Variants in ZNF274 observed in about 807,000 individuals in gnomAD.
ZNF274 encodes zinc finger protein 274, also known as neurotrophin receptor-interacting factor homolog.
In ZNF274, 23 loss-of-function variants were observed where a neutral mutation model predicts 42.5. The ratio of observed to expected loss-of-function variants is 0.54; its 90% CI spans 0.39 to 0.77. The LOEUF (loss-of-function observed/expected upper bound fraction) is 0.77, where lower values mean the gene tolerates loss of function less well. Ranked by LOEUF, ZNF274 falls within the 30% of genes least tolerant of loss-of-function variation. The pLI is 0.00. For synonymous variants in ZNF274, 292 were observed against 305.4 expected (o/e 0.96, Z 0.46); for missense variants, 679 against 806.5 (o/e 0.84, Z 1.91).
intron 4 of ZNF274, among the ~76,000 whole-genome samples, chr19:58,198,132 A>G (rs1490732152): frequency 6.6e-6 from 1 of 152,228 alleles, no homozygotes; most frequent in African/African-American, 2.4e-5. Context: ...AAAAAGAAGA[A>G]TAAATGAGTC....
chr19:58,192,517 C>T (rs1015865995), intron 4 of ZNF274, among the ~76,000 whole-genome samples: 5 of 152,128 alleles, frequency 3.3e-5, no homozygotes, highest in Non-Finnish European at 5.9e-5. Context: ...TACGTAAAGT[C>T]GGACCTCCTG....
chr19:58,202,053 TGA>T (rs1173341548), intron 4 of ZNF274, among the ~76,000 whole-genome samples: 1 of 152,028 alleles, frequency 6.6e-6, no homozygotes, highest in Non-Finnish European at 1.5e-5. Flanking sequence ...GAGGGAATGA[TGA>T]GAGAGAACAG....
chr19:58,212,055 G>GAA lies in ZNF274; in HGVS notation c.980-97_980-96dup. The GAA allele has an allele frequency of 3.1e-6, 4 of 1,309,162 alleles. No homozygotes were observed. Among genetic ancestry groups the GAA allele is most frequent in the Admixed American group, 2.4e-5 (1 of 41,022 alleles). 81.1% of individuals were successfully genotyped at this position (1,309,162 alleles called of 1,614,324 possible). On this transcript the variant is annotated intron_variant, in intron 7 of 7. Transcript: ENST00000617501. This position sits in a 1 kb window ranked among gnomAD's most constrained non-coding sequence, Gnocchi z 4.6. ...CCAGGTTGCATGACTCTATTTGGGA[G>GAA]AAAAAAAAAATCCTGACTTTTGAAC...
Position 58,207,146 on chromosome 19 carries a change from A to G in ZNF274, c.683A>G (p.Asn228Ser). Residue 228 changes from asparagine to serine, a missense_variant, in exon 5 of 8, where the codon AAC becomes AGC. Coordinates refer to ENST00000617501, the MANE Select transcript of ZNF274 (RefSeq NM_133502.3). This position sits in a 1 kb window ranked among gnomAD's most constrained non-coding sequence, Gnocchi z 5.6. ...TGGGTGGAATCGCAGCACCCAGAGAACTGCCAAGAGGTGGTGGCCCTGGTA... is the reference window on the plus strand; with the variant it reads ...TGGGTGGAATCGCAGCACCCAGAGAGCTGCCAAGAGGTGGTGGCCCTGGTA... ...RTWVESQHPE[N>S]CQEVVALVEG... 1 of 1,613,398 alleles carries G rather than the reference A, an allele frequency of 6.2e-7. No individual in the cohort carries two copies. Among genetic ancestry groups the G allele is most frequent in the Non-Finnish European group, 8.5e-7 (1 of 1,179,718 alleles).
intron 4 of ZNF274, among the ~76,000 whole-genome samples, chr19:58,199,096 T>G (rs113734493): frequency 0.019 from 2,941 of 152,160 alleles, 91 homozygotes; most frequent in Admixed American, 0.069. Flanking sequence ...CTGGGCACGG[T>G]GGCTCAGTCC....
At chr19:58,205,920 G>C (rs2075974542) in intron 4 of ZNF274, among the ~76,000 whole-genome samples, 1 of 152,172 alleles carries the variant, frequency 6.6e-6, no homozygotes, top group Admixed American at 6.5e-5. Context: ...CCCTATAACA[G>C]CTCTATGGAG....
At chr19:58,204,331 C>G (rs1251435346) in intron 4 of ZNF274, among the ~76,000 whole-genome samples, 1 of 151,794 alleles carries the variant, frequency 6.6e-6, no homozygotes, top group Non-Finnish European at 1.5e-5. Context: ...TAGTTCTGGG[C>G]GCTTTTCCGG....
At chr19:58,203,312 G>T (rs1300082031) in intron 4 of ZNF274, among the ~76,000 whole-genome samples, 2 of 152,142 alleles carry the variant, frequency 1.3e-5, no homozygotes, top group African/African-American at 4.8e-5. Context: ...GGCTGGGCAC[G>T]GTGGCTCACA....
rs1004346229 is a variant in ZNF274, at chr19:58,196,902, A to G, written c.257-9818A>G. Reference sequence around the variant, plus strand: ...CAAATGAAGTAAGTCCTTTTCATGAACTTTTCACCATCTGAGAACTCACAC... The same window carrying G: ...CAAATGAAGTAAGTCCTTTTCATGAGCTTTTCACCATCTGAGAACTCACAC... On this transcript the variant is annotated intron_variant, in intron 4 of 7. Coordinates refer to ENST00000617501, the MANE Select transcript of ZNF274 (RefSeq NM_133502.3). Among the ~76,000 whole-genome samples, 4 of 152,174 alleles carry G rather than the reference A, an allele frequency of 2.6e-5. 1 individual carries two copies. The highest frequency in any genetic ancestry group is 2.6e-4 in the Admixed American group (4 of 15,278).
At chr19:58,199,502 C>T (rs1301692398) in intron 4 of ZNF274, among the ~76,000 whole-genome samples, 5 of 152,178 alleles carry the variant, frequency 3.3e-5, no homozygotes, top group African/African-American at 1.2e-4. Flanking sequence ...GAATGGATCA[C>T]TTGAGGCCAG....
In ZNF274 at chr19:58,212,235, C is replaced by G; in HGVS notation, c.1054C>G (p.Leu352Val). The G allele has an allele frequency of 3.1e-6, 5 of 1,613,658 alleles. No homozygotes were observed. Among genetic ancestry groups the G allele is most frequent in the Non-Finnish European group, 4.2e-6 (5 of 1,179,896 alleles). ...TCCTGAGGAAGAACCAGCCCCCAGCCTGAAAGTACAAGAATCCTCAAGGGA... is the reference window on the plus strand; with the variant it reads ...TCCTGAGGAAGAACCAGCCCCCAGCGTGAAAGTACAAGAATCCTCAAGGGA... ...DIPEEEPAPS[L>V]KVQESSRDCA... is the part of the protein sequence containing the mutation. Residue 352 changes from leucine (L) to valine (V), a missense_variant, in exon 8 of 8, where the codon CTG becomes GTG. By Grantham distance (32) the Leu-to-Val change is conservative. Around this residue, in one of 2 missense-constraint regions of ZNF274, gnomAD observed 456 missense variants for 590.1 expected, o/e 0.77. Coordinates refer to ENST00000617501, the MANE Select transcript of ZNF274 (RefSeq NM_133502.3). This position sits in a 1 kb window ranked among gnomAD's most constrained non-coding sequence, Gnocchi z 4.6.
chr19:58,210,043 A>G lies in ZNF274; in HGVS notation c.822A>G (p.Ala274=). 1 of 1,613,808 alleles carries G rather than the reference A, an allele frequency of 6.2e-7. No individual in the cohort carries two copies. Among genetic ancestry groups the G allele is most frequent in the Middle Eastern group, 1.7e-4 (1 of 6,046 alleles). ...TAQQEEKQED[A]AICPVTVLPE... ...AGCAGGAGGAGAAGCAGGAGGATGC[A>G]GCCATCTGCCCAGTGACAGTGCTCC... Residue 274 remains alanine (A), a synonymous_variant, in exon 6 of 8, where the codon GCA becomes GCG. Coordinates refer to ENST00000617501, the MANE Select transcript of ZNF274 (RefSeq NM_133502.3).
intron 4 of ZNF274, among the ~76,000 whole-genome samples, chr19:58,199,238 C>T (rs1261787854): frequency 2.0e-5 from 3 of 151,206 alleles, no homozygotes; most frequent in Non-Finnish European, 4.4e-5. Context: ...TGGTGGTGGG[C>T]GCCTGTAATC....
In ZNF274 at chr19:58,183,262, C is replaced by T. The variant is rs1032679231; in HGVS notation, c.-226C>T. 1 of 152,396 alleles carries T rather than the reference C, an allele frequency of 6.6e-6. No individual in the cohort carries two copies. The highest frequency in any genetic ancestry group is 1.9e-4 in the East Asian group (1 of 5,184). 9.4% of individuals were successfully genotyped at this position (152,396 alleles called of 1,614,324 possible). On this transcript the variant is annotated 5_prime_UTR_variant, in exon 1 of 8. The change creates a new upstream start codon in the 5' untranslated region. Transcript: ENST00000617501. ...TAGCTGGACCGCCGAGGGACATCGA[C>T]GAGTATCCTCCTCCTGCTGTCCCCG...
chr19:58,211,582 T>A lies in ZNF274; in HGVS notation c.875T>A (p.Val292Glu). The change falls in exon 7 of 8, where the codon GTG (valine) becomes GAG (glutamate). Residue 292 changes from valine to glutamate, a missense_variant. Around this residue, in one of 2 missense-constraint regions of ZNF274, gnomAD observed 456 missense variants for 590.1 expected, o/e 0.77. Coordinates refer to ENST00000617501, the MANE Select transcript of ZNF274 (RefSeq NM_133502.3). This position sits in a 1 kb window ranked among gnomAD's most constrained non-coding sequence, Gnocchi z 4.8. The part of the protein sequence containing the change: ...LPEEPVTFQD[V>E]AVDFSREEWG... ...CAGGAGCCAGTGACCTTCCAGGATGTGGCTGTGGACTTCAGCCGGGAGGAG... is the reference window on the plus strand; with the variant it reads ...CAGGAGCCAGTGACCTTCCAGGATGAGGCTGTGGACTTCAGCCGGGAGGAG... 1 of 1,613,654 alleles carries A rather than the reference T, an allele frequency of 6.2e-7. No individual in the cohort carries two copies. Among genetic ancestry groups the A allele is most frequent in the Non-Finnish European group, 8.5e-7 (1 of 1,179,682 alleles).
intron 1 of ZNF274, 170 bp from the exon 2 acceptor site, chr19:58,183,751 A>C (rs2075660189): frequency 3.7e-6 from 2 of 541,422 alleles, no homozygotes; most frequent in Admixed American, 6.8e-5. Flanking sequence ...GGGAGGGGAA[A>C]ACTGGTCCTA....
At chr19:58,200,354 A>C (rs749419567) in intron 4 of ZNF274, among the ~76,000 whole-genome samples, 3 of 152,238 alleles carry the variant, frequency 2.0e-5, no homozygotes, top group Admixed American at 6.5e-5. Context: ...ATTTATAGAA[A>C]GTTCCATTGG....
chr19:58,188,723 T>TATATATATATATATATAC (rs2075743254), intron 4 of ZNF274, among the ~76,000 whole-genome samples: 8 of 128,802 alleles, frequency 6.2e-5, no homozygotes, highest in African/African-American at 2.4e-4. Context: ...TATATATATA[T>TATATATATATATATATAC]AAATCTTTAA....
intron 4 of ZNF274, among the ~76,000 whole-genome samples, chr19:58,206,006 T>A (rs1257379316): frequency 6.6e-6 from 1 of 152,212 alleles, no homozygotes; most frequent in Non-Finnish European, 1.5e-5. Flanking sequence ...CACAGGGTTG[T>A]ACAGCTGTCA....
Sources: allele counts gnomAD v4.1 joint callset (sites outside exome capture counted in the v4.1 genomes callset), GRCh38; gene constraint gnomAD v4.1.1; regional missense constraint gnomAD v4.1.1; non-coding constraint Gnocchi (gnomAD v3.1); transcripts MANE v1.5; gene names NCBI Gene and HGNC (gene_info 2026-07-23, HGNC 2026-07-21).